Variants in TNRC6B observed in about 807,000 individuals in gnomAD.
TNRC6B encodes trinucleotide repeat-containing gene 6B protein.
In TNRC6B, 52 loss-of-function variants were observed where a neutral mutation model predicts 203.6. The ratio of observed to expected loss-of-function variants is 0.26; its 90% CI spans 0.20 to 0.32. The LOEUF is 0.32. Among genes scored for constraint, TNRC6B ranks in the 10% least tolerant of loss-of-function variants. TNRC6B has a pLI of 1.00. For synonymous variants in TNRC6B, 838 were observed against 845.7 expected (o/e 0.99, Z 0.16); for missense variants, 1,923 against 2,286.2 (o/e 0.84, Z 3.24).
rs540875411 is a variant in TNRC6B at position 40,186,737 on chromosome 22, CA to C, written c.5+8611del. ...TGGGTGACAGAACAAGACTCCATCT[CA>C]AAAAAAAAAAAAAGTTAAAAATAAA... On this transcript the variant is annotated intron_variant, in intron 1 of 22. Transcript: ENST00000454349. Among the ~76,000 whole-genome samples, 421 of 121,922 alleles carry C rather than the reference CA, an allele frequency of 3.5e-3. 1 individual carries two copies. Among genetic ancestry groups the C allele is most frequent in the African/African-American group, 8.8e-3 (300 of 33,940 alleles). The allele number at this position is 121,922 out of a possible 152,430, so 80.0% of individuals were successfully genotyped here.
intron 3 of TNRC6B, among the ~76,000 whole-genome samples, chr22:40,144,797 A>T (rs1267126415): frequency 6.6e-6 from 1 of 151,414 alleles, no homozygotes. Flanking sequence ...GATCCCAGTG[A>T]TATTAAGCTT....
intron 21 of TNRC6B, 32 bp from the exon 22 acceptor site, chr22:40,321,058 G>C: frequency 6.2e-7 from 1 of 1,611,848 alleles, no homozygotes; most frequent in Non-Finnish European, 8.5e-7. Context: ...CCCACCTCCA[G>C]TCTTTATCTC....
chr22:40,302,154 G>A (rs2071032096), intron 15 of TNRC6B, among the ~76,000 whole-genome samples: 1 of 152,088 alleles, frequency 6.6e-6, no homozygotes, highest in African/African-American at 2.4e-5. Context: ...GAATTTTTTG[G>A]CAGGCAAATC....
intron 3 of TNRC6B, among the ~76,000 whole-genome samples, chr22:40,146,134 A>G (rs1251301987): frequency 1.3e-5 from 2 of 152,216 alleles, no homozygotes; most frequent in Non-Finnish European, 2.9e-5. Context: ...ATCCTGGTCA[A>G]ACAACTTTGT....
At chr22:40,081,804 A>T (rs1490391884) in intron 1 of TNRC6B, among the ~76,000 whole-genome samples, 1 of 151,992 alleles carries the variant, frequency 6.6e-6, no homozygotes, top group Non-Finnish European at 1.5e-5. Context: ...TTTGGATAAG[A>T]CTTTCTCTTG....
At chr22:40,179,178 A>C (rs76436544) in intron 1 of TNRC6B, among the ~76,000 whole-genome samples, 1 of 152,194 alleles carries the variant, frequency 6.6e-6, no homozygotes, top group African/African-American at 2.4e-5. Context: ...CATTACTCCT[A>C]ATGCAGGATT....
At chr22:40,211,085 C>G (rs1222018539) in intron 1 of TNRC6B, among the ~76,000 whole-genome samples, 1 of 148,430 alleles carries the variant, frequency 6.7e-6, no homozygotes, top group Admixed American at 6.7e-5. Context: ...ATACTGCTTC[C>G]TGAATATCTT....
intron 1 of TNRC6B, among the ~76,000 whole-genome samples, chr22:40,193,612 G>A (rs1394659738): frequency 2.0e-5 from 3 of 152,166 alleles, no homozygotes; most frequent in Non-Finnish European, 4.4e-5. Flanking sequence ...TGGAAGAGAG[G>A]ATGTCCTGGG....
At chr22:40,319,271 T>TAAA (rs574303341) in intron 21 of TNRC6B, among the ~76,000 whole-genome samples, 1 of 142,418 alleles carries the variant, frequency 7.0e-6, no homozygotes, top group Non-Finnish European at 1.5e-5. Context: ...TCTCTGAATT[T>TAAA]AAAAAAAAAA....
chr22:40,150,161 A>T (rs1334531594), intron 3 of TNRC6B, among the ~76,000 whole-genome samples: 1 of 152,130 alleles, frequency 6.6e-6, no homozygotes, highest in Non-Finnish European at 1.5e-5. Flanking sequence ...GCAGATCACG[A>T]GGTCAGGAGA....
At chr22:40,295,376 A>T (rs1417256958) in intron 12 of TNRC6B, among the ~76,000 whole-genome samples, 1 of 151,104 alleles carries the variant, frequency 6.6e-6, no homozygotes, top group Non-Finnish European at 1.5e-5. Context: ...CAGGAGGCTG[A>T]GGCAGGAGAA....
chr22:40,280,479 T>G (rs992090726), intron 10 of TNRC6B, among the ~76,000 whole-genome samples: 74 of 152,254 alleles, frequency 4.9e-4, no homozygotes, highest in African/African-American at 1.6e-3. Flanking sequence ...GTGCAAATAT[T>G]CCATGTCTCC....
intron 1 of TNRC6B, among the ~76,000 whole-genome samples, chr22:40,098,384 CAAAAAAAAAAAA>C (rs1056495905): frequency 3.9e-5 from 2 of 51,492 alleles, no homozygotes; most frequent in South Asian, 9.8e-4. Flanking sequence ...GACTCCGTCT[CAAAAAAAAAAAA>C]AAAAAAAAAA....
chr22:40,238,360 T>C (rs953029504), intron 1 of TNRC6B, among the ~76,000 whole-genome samples: 1 of 152,150 alleles, frequency 6.6e-6, no homozygotes, highest in African/African-American at 2.4e-5. Flanking sequence ...TTTTGGAAGT[T>C]TTGCATTTAG....
chr22:40,248,835 G>C (rs1423357226), intron 2 of TNRC6B, among the ~76,000 whole-genome samples: 1 of 152,230 alleles, frequency 6.6e-6, no homozygotes, highest in Non-Finnish European at 1.5e-5. Context: ...AATCTAGGCT[G>C]ACGCAGGCTG....
intron 12 of TNRC6B, among the ~76,000 whole-genome samples, chr22:40,296,900 G>A (rs554998433): frequency 3.2e-4 from 48 of 152,132 alleles, no homozygotes; most frequent in Non-Finnish European, 5.9e-4. Context: ...AAAGTGCTTG[G>A]GATTACAGGT....
At chr22:40,250,721 G>A (rs1421605979) in intron 2 of TNRC6B, among the ~76,000 whole-genome samples, 3 of 152,076 alleles carry the variant, frequency 2.0e-5, no homozygotes, top group South Asian at 2.1e-4. Flanking sequence ...CCTGCTTTCC[G>A]ACCATGACGT....
At chr22:40,312,775 T>G (rs1361969461) in intron 18 of TNRC6B, 124 bp downstream of exon 18, 18 of 1,481,584 alleles carry the variant, frequency 1.2e-5, no homozygotes, top group Non-Finnish European at 1.7e-5. Context: ...AGATTGCTTT[T>G]CACTTTTATT....
At chr22:40,098,916 T>A (rs1426654038) in intron 1 of TNRC6B, among the ~76,000 whole-genome samples, 3 of 151,892 alleles carry the variant, frequency 2.0e-5, no homozygotes, top group Non-Finnish European at 2.9e-5. Flanking sequence ...AATTGATGTG[T>A]TTGATTTTTC....
Sources: gnomAD v4.1 joint callset for allele counts (sites outside exome capture counted in the v4.1 genomes callset) on GRCh38, gnomAD v4.1.1 for gene constraint, MANE v1.5 for transcripts, NCBI Gene and HGNC (gene_info 2026-07-23, HGNC 2026-07-21) for gene names.